Variants in ADCY1 observed in about 807,000 individuals in gnomAD.
ADCY1 encodes adenylate cyclase type 1.
A neutral mutation model predicts 105.4 loss-of-function variants in ADCY1; 28 were observed. The ratio of observed to expected loss-of-function variants is 0.27; its 90% CI spans 0.20 to 0.36. The LOEUF (loss-of-function observed/expected upper bound fraction) is 0.36. ADCY1 is among the 10% of genes least tolerant of loss of function. The pLI, the probability that ADCY1 is intolerant of heterozygous loss-of-function variation, is 1.00. For missense variants in ADCY1, 977 were observed against 1,434.2 expected, an observed-to-expected ratio of 0.68 and a Z score of 5.15; for synonymous variants, 655 against 623.8, an observed-to-expected ratio of 1.05 and a Z score of -0.75.
At chr7:45,662,564 T>C (rs1795159242) in intron 8 of ADCY1, among the ~76,000 whole-genome samples, 1 of 152,162 alleles carries the variant, frequency 6.6e-6, no homozygotes, top group Admixed American at 6.6e-5. Flanking sequence ...GATTTCACAC[T>C]AAGGCTGGCC....
intron 19 of ADCY1, among the ~76,000 whole-genome samples, chr7:45,713,331 C>T (rs1785301436): frequency 1.3e-5 from 2 of 152,190 alleles, no homozygotes; most frequent in South Asian, 4.1e-4. Context: ...ACAAGCAAGC[C>T]CTGCCCCACT....
Position 45,718,018 on chromosome 7 carries a change from C to T in ADCY1, c.*4023C>T, listed in dbSNP as rs1366719672. 6.6e-6 allele frequency: 1 copy of T among 152,400 alleles called. No individual in the cohort carries two copies. Among genetic ancestry groups the T allele is most frequent in the African/African-American group, 2.4e-5 (1 of 41,458 alleles). The allele number at this position is 152,400 out of a possible 1,614,324, so 9.4% of individuals were successfully genotyped here. A position where few individuals can be genotyped will look rare whatever the true frequency, so the allele number is the denominator to read the frequency against. ...GAGCTGCCACTCCCAAAGCCTCCAC[C>T]CCTTCCTGAAGACCCAGCTATGAAA... On this transcript the variant is annotated 3_prime_UTR_variant, in exon 20 of 20. Coordinates refer to ENST00000297323, the MANE Select transcript of ADCY1 (RefSeq NM_021116.4).
At chr7:45,712,380 C>T (rs1014481239) in intron 19 of ADCY1, among the ~76,000 whole-genome samples, 5 of 151,484 alleles carry the variant, frequency 3.3e-5, no homozygotes, top group African/African-American at 1.2e-4. Flanking sequence ...CCAGCCTGGC[C>T]CCTGCCCCAA....
rs544067328 is a variant in ADCY1, at chr7:45,583,909, A to T, written c.639+8727A>T. ...CCTGCCTTGGCCTCCCAAAGTGTTGACATTACAGGCATGAGCCACTGTGCC... is the reference window on the plus strand; with the variant it reads ...CCTGCCTTGGCCTCCCAAAGTGTTGTCATTACAGGCATGAGCCACTGTGCC... On this transcript the variant is annotated intron_variant, in intron 1 of 19. Transcript: ENST00000297323. Among the ~76,000 whole-genome samples the T allele has an allele frequency of 5.3e-4, 75 of 140,480 alleles. 2 individuals are homozygous for T. The South Asian group carries it at 7.5e-3, about 14-fold the overall frequency. The allele number at this position is 140,480 out of a possible 152,430, so 92.2% of individuals were successfully genotyped here. A position where few individuals can be genotyped will look rare whatever the true frequency, so the allele number is the denominator to read the frequency against.
intron 17 of ADCY1, among the ~76,000 whole-genome samples, chr7:45,707,474 G>T (rs1785142621): frequency 6.6e-6 from 1 of 152,200 alleles, no homozygotes; most frequent in Non-Finnish European, 1.5e-5. Context: ...TCTGGAAAAG[G>T]CAAAACGGTA....
chr7:45,624,994 G>A (rs995748133), intron 4 of ADCY1, among the ~76,000 whole-genome samples: 2 of 152,170 alleles, frequency 1.3e-5, no homozygotes, highest in Admixed American at 6.5e-5. Flanking sequence ...GACTCCCTGT[G>A]GCTCTAGTTC....
At chr7:45,617,054 CCCT>C (rs1327678482) in intron 3 of ADCY1, among the ~76,000 whole-genome samples, 1 of 152,204 alleles carries the variant, frequency 6.6e-6, no homozygotes, top group East Asian at 1.9e-4. Context: ...AGGGAACTTG[CCCT>C]GGGTCCCACA....
intron 2 of ADCY1, among the ~76,000 whole-genome samples, chr7:45,607,949 A>G (rs960543213): frequency 6.6e-6 from 1 of 152,346 alleles, no homozygotes. Context: ...TCTTTTGGAT[A>G]TGTACCCAGT....
intron 3 of ADCY1, among the ~76,000 whole-genome samples, chr7:45,610,754 AGGTG>A (rs1793524179): frequency 8.6e-6 from 1 of 116,300 alleles, no homozygotes; most frequent in Admixed American, 8.7e-5. Context: ...GTGATGATGG[AGGTG>A]TAGAGGTGAT....
At chr7:45,679,962 A>G (rs1406910033) in intron 11 of ADCY1, among the ~76,000 whole-genome samples, 169 bp downstream of exon 11, 1 of 151,446 alleles carries the variant, frequency 6.6e-6, no homozygotes, top group African/African-American at 2.4e-5. Context: ...CTGTACCTGC[A>G]TATCACCTGG....
chr7:45,695,987 G>C (rs906408152), intron 14 of ADCY1, among the ~76,000 whole-genome samples: 3 of 152,234 alleles, frequency 2.0e-5, no homozygotes, highest in African/African-American at 7.2e-5. Flanking sequence ...ATAGAGAAAC[G>C]TTGGTAACTC....
intron 14 of ADCY1, among the ~76,000 whole-genome samples, chr7:45,701,811 C>T (rs372945908): frequency 7.9e-5 from 12 of 152,186 alleles, no homozygotes; most frequent in Non-Finnish European, 1.0e-4. Context: ...CCCAGACAGC[C>T]GCTGCGTGGG....
At chr7:45,657,553 G>T (rs933831698) in intron 5 of ADCY1, among the ~76,000 whole-genome samples, 174 bp from the exon 6 acceptor site, 2 of 152,228 alleles carry the variant, frequency 1.3e-5, no homozygotes, top group African/African-American at 4.8e-5. Context: ...CCACAGGTGG[G>T]CAGGAAGGCT....
At chr7:45,648,545 G>C in intron 4 of ADCY1, 125 bp from the exon 5 acceptor site, 1 of 1,321,020 alleles carries the variant, frequency 7.6e-7, no homozygotes, top group Non-Finnish European at 1.0e-6. Context: ...GAAGGTGGTG[G>C]CCCAGGTGCA....
At chr7:45,642,227 G>T (rs1794545016) in intron 4 of ADCY1, among the ~76,000 whole-genome samples, 1 of 152,102 alleles carries the variant, frequency 6.6e-6, no homozygotes, top group Non-Finnish European at 1.5e-5. Flanking sequence ...GTAAGGAAGG[G>T]GTGGGGCAGG....
intron 4 of ADCY1, among the ~76,000 whole-genome samples, chr7:45,629,893 G>A (rs927337023): frequency 6.6e-6 from 1 of 152,224 alleles, no homozygotes; most frequent in African/African-American, 2.4e-5. Flanking sequence ...CATCAGCAGT[G>A]TGTGAGTTCC....
At position 45,647,543 on chromosome 7, in the gene ADCY1, G is replaced by A. The variant is rs1404102453; in HGVS notation, c.1021-1127G>A. Among the ~76,000 whole-genome samples, 2 of 152,308 alleles carry A rather than the reference G, an allele frequency of 1.3e-5. No individual in the cohort carries two copies. The highest frequency in any genetic ancestry group is 6.5e-5 in the Admixed American group (1 of 15,296). On this transcript the variant is annotated intron_variant, in intron 4 of 19. Transcript: ENST00000297323. This position sits in a 1 kb window ranked among gnomAD's most constrained non-coding sequence, Gnocchi z 4.6. ...TAAGACCATTTCAGGGGACTTGTGA[G>A]GTCCTTCCTCATCCAGCACTGTGCT...
intron 8 of ADCY1, among the ~76,000 whole-genome samples, chr7:45,667,410 G>A (rs1193008685): frequency 6.6e-6 from 1 of 152,012 alleles, no homozygotes; most frequent in East Asian, 1.9e-4. Context: ...TCTTGTTTTT[G>A]TCAGGTTTGT....
chr7:45,655,235 A>C (rs866118249), intron 5 of ADCY1, among the ~76,000 whole-genome samples: 2 of 152,204 alleles, frequency 1.3e-5, no homozygotes, highest in Non-Finnish European at 2.9e-5. Flanking sequence ...ACTCACGCCA[A>C]GGGGCCAACA....
Sources: allele counts gnomAD v4.1 joint callset (sites outside exome capture counted in the v4.1 genomes callset), GRCh38; gene constraint gnomAD v4.1.1; non-coding constraint Gnocchi (gnomAD v3.1); transcripts MANE v1.5; gene names NCBI Gene and HGNC (gene_info 2026-07-23, HGNC 2026-07-21).